Variants in TM7SF3 observed in about 807,000 individuals in gnomAD.
The protein encoded by TM7SF3 is seven span transmembrane protein.
TM7SF3 carries 60 observed loss-of-function variants against 65.5 expected under a neutral mutation model. That is an observed-to-expected ratio of 0.92 (90% CI 0.74 to 1.14). The LOEUF (loss-of-function observed/expected upper bound fraction) is 1.14, where lower values mean the gene tolerates loss of function less well. TM7SF3 is among the 50% of genes most tolerant of loss of function. The pLI, the probability that TM7SF3 is intolerant of heterozygous loss-of-function variation, is 0.00. For synonymous variants in TM7SF3, 264 were observed against 259.6 expected, an observed-to-expected ratio of 1.02 and a Z score of -0.16; for missense variants, 623 against 684.8, an observed-to-expected ratio of 0.91 and a Z score of 1.01.
chr12:27,003,673 T>C (rs1940921859), intron 1 of TM7SF3, among the ~76,000 whole-genome samples: 1 of 152,170 alleles, frequency 6.6e-6, no homozygotes. Flanking sequence ...ACTTCCCCTC[T>C]GGTAGCAGCA....
rs143337601 is a variant in TM7SF3 at position 27,006,096 on chromosome 12, G to A, written c.92-2706C>T. Among the ~76,000 whole-genome samples, 6 of 151,154 alleles carry A rather than the reference G, an allele frequency of 4.0e-5. 1 individual carries two copies. Among genetic ancestry groups the A allele is most frequent in the African/African-American group, 9.7e-5 (4 of 41,196 alleles). On this transcript the variant is annotated intron_variant, in intron 1 of 11. Transcript: ENST00000343028. The stretch of plus-strand genomic sequence containing the variant: ...ATTACAAGCATGAGCTACCCTGCCC[G>A]GCTGATTTTTCTTTTTTTTACACTT...
rs1270998804 is a variant in TM7SF3 at position 27,003,387 on chromosome 12, A to G, written c.95T>C (p.Leu32Pro). The G allele has an allele frequency of 4.3e-6, 7 of 1,610,188 alleles. No homozygotes were observed. The African/African-American group carries it at 6.7e-5, about 15-fold the overall frequency. The change falls in exon 2 of 12, where the codon CTT becomes CCT. Residue 32 changes from leucine (L) to proline (P), a missense_variant. Coordinates refer to ENST00000343028, the MANE Select transcript of TM7SF3 (RefSeq NM_016551.3). ...AAATTTCCCCACAGAAAATTCAATAAGACCTACAACGAGATAAACTTTTCA... is the reference window on the plus strand; with the variant it reads ...AAATTTCCCCACAGAAAATTCAATAGGACCTACAACGAGATAAACTTTTCA... ...AEVFGNSSEG[L>P]IEFSVGKFRY...
At chr12:26,996,674 GTCAAA>G in intron 4 of TM7SF3, 63 bp downstream of exon 4, 1 of 1,504,906 alleles carries the variant, frequency 6.6e-7, no homozygotes, top group Non-Finnish European at 8.9e-7. Context: ...GAGAGAGCTG[GTCAAA>G]TCTACACAAC....
chr12:26,987,960 T>A (rs996045082), intron 6 of TM7SF3, among the ~76,000 whole-genome samples: 1 of 151,952 alleles, frequency 6.6e-6, no homozygotes, highest in Non-Finnish European at 1.5e-5. Context: ...TAATCAAAAT[T>A]TAATTATGAG....
chr12:27,006,570 T>C (rs1941045734), intron 1 of TM7SF3, among the ~76,000 whole-genome samples: 1 of 152,216 alleles, frequency 6.6e-6, no homozygotes, highest in South Asian at 2.1e-4. Context: ...AGAAAATATA[T>C]AATCCTTATA....
intron 1 of TM7SF3, among the ~76,000 whole-genome samples, chr12:27,004,620 A>G (rs929722181): frequency 7.9e-5 from 12 of 152,174 alleles, no homozygotes; most frequent in Non-Finnish European, 1.5e-4. Context: ...AAAACCAAAC[A>G]GAACCAAAAA....
intron 2 of TM7SF3, among the ~76,000 whole-genome samples, chr12:27,000,967 G>A (rs1485665603): frequency 1.4e-4 from 22 of 151,870 alleles, no homozygotes; most frequent in Admixed American, 1.4e-3. Flanking sequence ...AGACTCAAGA[G>A]GTTCTATCAA....
intron 8 of TM7SF3, chr12:26,980,324 G>A: frequency 1.8e-6 from 1 of 542,942 alleles, no homozygotes; most frequent in Non-Finnish European, 3.2e-6. Flanking sequence ...CCAGAACACA[G>A]GTCTATAATC....
At chr12:27,008,422 T>C (rs1024271921) in intron 1 of TM7SF3, among the ~76,000 whole-genome samples, 2 of 152,186 alleles carry the variant, frequency 1.3e-5, no homozygotes, top group Admixed American at 6.5e-5. Flanking sequence ...TAATACATCA[T>C]AGATATGAGT....
At chr12:26,991,362 C>G (rs979516367) in intron 5 of TM7SF3, among the ~76,000 whole-genome samples, 20 of 151,642 alleles carry the variant, frequency 1.3e-4, no homozygotes, top group African/African-American at 4.8e-4. Context: ...CCTTGTTAGC[C>G]AGGATGGTCT....
At chr12:26,974,338 G>A in intron 11 of TM7SF3, 111 bp from the exon 12 acceptor site, 1 of 1,182,422 alleles carries the variant, frequency 8.5e-7, no homozygotes, top group Non-Finnish European at 1.2e-6. Flanking sequence ...TAGACTTTCT[G>A]GTGAGTTAGT....
intron 2 of TM7SF3, among the ~76,000 whole-genome samples, chr12:27,002,433 T>TA (rs893367078): frequency 3.4e-4 from 50 of 146,194 alleles, no homozygotes; most frequent in African/African-American, 4.5e-4. Flanking sequence ...ATCTTATCTC[T>TA]AAAAAAAAAA....
At chr12:26,980,024 G>C in intron 8 of TM7SF3, 88 bp from the exon 9 acceptor site, 1 of 1,503,252 alleles carries the variant, frequency 6.7e-7, no homozygotes, top group Non-Finnish European at 9.1e-7. Flanking sequence ...ACCAGTGCCA[G>C]CTTCAGCTTT....
rs1939450738 is a variant in TM7SF3 at position 26,973,710 on chromosome 12, CAAAAGGTA to C, written c.*247_*254del. ...ATAAGTTGATCATAGATTTGTAAAC[CAAAAGGTA>C]ATTTCTCAAGTATTTGGAAATAAGA... On this transcript the variant is annotated 3_prime_UTR_variant, in exon 12 of 12. Coordinates refer to ENST00000343028, the MANE Select transcript of TM7SF3 (RefSeq NM_016551.3). The C allele has an allele frequency of 2.6e-6, 1 of 390,696 alleles. No individual in the cohort carries two copies. The highest frequency in any genetic ancestry group is 2.1e-5 in the African/African-American group (1 of 48,472). 24.2% of individuals were successfully genotyped at this position (390,696 alleles called of 1,614,324 possible). A position where few individuals can be genotyped will look rare whatever the true frequency, so the allele number is the denominator to read the frequency against.
At chr12:26,994,196 G>C (rs1486552896) in intron 5 of TM7SF3, among the ~76,000 whole-genome samples, 1 of 152,092 alleles carries the variant, frequency 6.6e-6, no homozygotes. Context: ...TACTAACAGA[G>C]CTTCTTATTT....
At chr12:27,006,325 G>C (rs1005107738) in intron 1 of TM7SF3, among the ~76,000 whole-genome samples, 1 of 151,108 alleles carries the variant, frequency 6.6e-6, no homozygotes, top group African/African-American at 2.4e-5. Flanking sequence ...TTTTAGTAGG[G>C]ACTGGGTTTC....
At chr12:27,001,415 T>C (rs1209278332) in intron 2 of TM7SF3, among the ~76,000 whole-genome samples, 1 of 152,234 alleles carries the variant, frequency 6.6e-6, no homozygotes. Flanking sequence ...TACTAATTTG[T>C]TGAGCTTTAA....
intron 5 of TM7SF3, among the ~76,000 whole-genome samples, chr12:26,993,062 C>T (rs746949886): frequency 7.1e-4 from 108 of 152,020 alleles, no homozygotes; most frequent in Non-Finnish European, 1.1e-3. Flanking sequence ...CGCACCACCA[C>T]GCCTGGAACT....
chr12:26,999,605 A>G lies in TM7SF3; in HGVS notation c.318T>C (p.Ser106=). The part of the protein sequence containing the change: ...GLVFILRPEQ[S]TCTWYLGTSG... ...AAGTCCCCAAGTACCAAGTGCATGT[A>G]CTCTGCTCTGGTCTAAGGATGAAAA... Residue 106 remains serine, a synonymous_variant, in exon 3 of 12, where the codon AGT becomes AGC. Coordinates refer to ENST00000343028, the MANE Select transcript of TM7SF3 (RefSeq NM_016551.3). 1.2e-6 allele frequency: 2 copies of G among 1,614,008 alleles called. No individual in the cohort carries two copies. Among genetic ancestry groups the G allele is most frequent in the South Asian group, 2.2e-5 (2 of 91,068 alleles).
Sources: gnomAD v4.1 joint callset for allele counts (sites outside exome capture counted in the v4.1 genomes callset) on GRCh38, gnomAD v4.1.1 for gene constraint, MANE v1.5 for transcripts, NCBI Gene and HGNC (gene_info 2026-07-23, HGNC 2026-07-21) for gene names.